Variants in CNTNAP5 observed in about 807,000 individuals in gnomAD.
The protein encoded by CNTNAP5 is contactin associated protein family member 5.
CNTNAP5 carries 72 observed loss-of-function variants against 150.2 expected under a neutral mutation model. The observed-to-expected ratio is 0.48, with a 90% CI of 0.40 to 0.58. The LOEUF (loss-of-function observed/expected upper bound fraction) is 0.58. CNTNAP5 is among the 20% of genes least tolerant of loss of function. The pLI is 0.00. For missense variants in CNTNAP5, 1,636 were observed against 1,626.2 expected, an observed-to-expected ratio of 1.01 and a Z score of -0.10; for synonymous variants, 672 against 619.8, an observed-to-expected ratio of 1.08 and a Z score of -1.25.
At chr2:124,333,217 C>T (rs940252969) in intron 3 of CNTNAP5, among the ~76,000 whole-genome samples, 2 of 151,938 alleles carry the variant, frequency 1.3e-5, no homozygotes, top group Non-Finnish European at 2.9e-5. Flanking sequence ...TATAGTGAGC[C>T]GTGATCGCAC....
At chr2:124,790,760 T>C (rs2104633304) in intron 18 of CNTNAP5, among the ~76,000 whole-genome samples, 1 of 152,206 alleles carries the variant, frequency 6.6e-6, no homozygotes, top group African/African-American at 2.4e-5. Flanking sequence ...CTTCACAATC[T>C]CCTGAGTTCA....
chr2:124,667,307 C>T (rs1251202008), intron 13 of CNTNAP5, among the ~76,000 whole-genome samples: 6 of 152,204 alleles, frequency 3.9e-5, no homozygotes, highest in African/African-American at 1.4e-4. Flanking sequence ...GTTTAATGTA[C>T]ACGTGTGTAC....
At chr2:124,610,954 C>CA (rs57941026) in intron 12 of CNTNAP5, among the ~76,000 whole-genome samples, 2,111 of 141,270 alleles carry the variant, frequency 0.015, 21 homozygotes, top group African/African-American at 0.031. Flanking sequence ...GACACCGTCT[C>CA]AAAAAAAAAA....
intron 13 of CNTNAP5, among the ~76,000 whole-genome samples, chr2:124,695,728 G>A (rs901808192): frequency 6.6e-6 from 1 of 152,164 alleles, no homozygotes; most frequent in Admixed American, 6.6e-5. Context: ...CAGATGGAGG[G>A]AGCTAGGACT....
chr2:124,504,463 G>C lies in CNTNAP5; in HGVS notation c.1234G>C (p.Glu412Gln), dbSNP rs1694354747. 6.2e-7 allele frequency: 1 copy of C among 1,613,856 alleles called. No individual in the cohort carries two copies. The highest frequency in any genetic ancestry group is 8.5e-7 in the Non-Finnish European group (1 of 1,179,836). The change falls in exon 8 of 24, where the codon GAG becomes CAG. Residue 412 changes from glutamate to glutamine, a missense_variant. Transcript: ENST00000682447. ...TCTGCTTCTGTCCACAGAGCTGTCT[G>C]AGGGCTCGGGAACCCTGCTGCTGAG... ...DGLLLSTELS[E>Q]GSGTLLLSLE...
At chr2:124,732,519 A>G (rs1292206366) in intron 13 of CNTNAP5, among the ~76,000 whole-genome samples, 1 of 152,070 alleles carries the variant, frequency 6.6e-6, no homozygotes, top group African/African-American at 2.4e-5. Flanking sequence ...TCGCAAGGAC[A>G]CATCAACAAG....
intron 13 of CNTNAP5, among the ~76,000 whole-genome samples, chr2:124,674,562 CCTTT>C (rs879598093): frequency 5.6e-4 from 62 of 110,360 alleles, no homozygotes; most frequent in Middle Eastern, 5.2e-3. Context: ...TTCCTTTCTT[CCTTT>C]CTTTCTTTCT....
chr2:124,385,825 G>A (rs1396826516), intron 3 of CNTNAP5, among the ~76,000 whole-genome samples: 1 of 152,104 alleles, frequency 6.6e-6, no homozygotes, highest in East Asian at 1.9e-4. Context: ...ATCCCTGGAG[G>A]GGTTCACATT....
chr2:124,627,255 C>A (rs986325236), intron 12 of CNTNAP5, among the ~76,000 whole-genome samples: 1 of 152,288 alleles, frequency 6.6e-6, no homozygotes, highest in South Asian at 2.1e-4. Context: ...CAAGCGGATC[C>A]CTGACCCTGT....
chr2:124,257,808 C>G (rs1170577), intron 3 of CNTNAP5, among the ~76,000 whole-genome samples: 121,565 of 151,934 alleles, frequency 0.8, 48,756 homozygotes, highest in South Asian at 0.87. Context: ...AACAAAGTCT[C>G]GTCTGATTTT....
At chr2:124,414,835 A>G (rs116091601) in intron 3 of CNTNAP5, among the ~76,000 whole-genome samples, 1,771 of 152,148 alleles carry the variant, frequency 0.012, 26 homozygotes, top group African/African-American at 0.04. Context: ...TAGATAAATA[A>G]TGCTACAGAC....
chr2:124,383,961 T>C (rs1834443), intron 3 of CNTNAP5, among the ~76,000 whole-genome samples: 130,642 of 152,156 alleles, frequency 0.86, 56,248 homozygotes, highest in South Asian at 0.92. Context: ...TTAGTTTTGC[T>C]GTGGAGTTTT....
chr2:124,108,507 C>T (rs904262243), intron 1 of CNTNAP5, among the ~76,000 whole-genome samples: 2 of 152,130 alleles, frequency 1.3e-5, no homozygotes, highest in African/African-American at 4.8e-5. Context: ...CTCTCTGTCT[C>T]GTTAATATTT....
intron 11 of CNTNAP5, among the ~76,000 whole-genome samples, chr2:124,575,356 A>G (rs1696258048): frequency 1.3e-5 from 2 of 152,218 alleles, no homozygotes; most frequent in Admixed American, 1.3e-4. Context: ...CAAATTCTTT[A>G]GTGGCTCTCT....
intron 11 of CNTNAP5, among the ~76,000 whole-genome samples, chr2:124,582,139 G>A (rs1023233787): frequency 2.0e-4 from 30 of 152,144 alleles, no homozygotes; most frequent in African/African-American, 6.3e-4. Context: ...AGTGTAAAGC[G>A]ATTCCATGCC....
At position 124,074,659 on chromosome 2, in the gene CNTNAP5, C is replaced by A. The variant is rs542749378; in HGVS notation, c.82+48927C>A. On this transcript the variant is annotated intron_variant, in intron 1 of 23. Coordinates refer to ENST00000682447, the MANE Select transcript of CNTNAP5 (RefSeq NM_001367498.1). ...GTCATGGGTATTGACTCCTAGACAG[C>A]ACTTACCAGCCTGTGATCTATATTT... is the stretch of plus-strand genomic sequence containing the variant. Among the ~76,000 whole-genome samples, 3 of 152,002 alleles carry A rather than the reference C, an allele frequency of 2.0e-5. No individual in the cohort carries two copies. In the East Asian group the frequency reaches 5.8e-4, roughly 29 times the overall value.
chr2:124,865,332 A>C lies in CNTNAP5; in HGVS notation c.3244A>C (p.Asn1082His). The change falls in exon 20 of 24, where the codon AAC becomes CAC. Residue 1082 changes from asparagine to histidine, a missense_variant. By Grantham distance (68) the Asn-to-His change is moderately conservative (BLOSUM62 1). Coordinates refer to ENST00000682447, the MANE Select transcript of CNTNAP5 (RefSeq NM_001367498.1). ...AAGCTTACAGGTTCGCTATCACCTA[A>C]ACAAGGAAGAAACCCATGTATTCAC... is the stretch of plus-strand genomic sequence containing the variant. ...NGSLQVRYHL[N>H]KEETHVFTID... 1 of 1,564,596 alleles carries C rather than the reference A, an allele frequency of 6.4e-7. No homozygotes were observed. Among genetic ancestry groups the C allele is most frequent in the Non-Finnish European group, 8.7e-7 (1 of 1,152,992 alleles).
chr2:124,725,611 G>A (rs1680140120), intron 13 of CNTNAP5, among the ~76,000 whole-genome samples: 1 of 151,558 alleles, frequency 6.6e-6, no homozygotes, highest in Non-Finnish European at 1.5e-5. Context: ...CACATTTAAA[G>A]TATGCAGTAC....
intron 11 of CNTNAP5, among the ~76,000 whole-genome samples, chr2:124,580,560 A>C (rs909602608): frequency 6.6e-6 from 1 of 152,224 alleles, no homozygotes; most frequent in Non-Finnish European, 1.5e-5. Context: ...TTCTTTGCTC[A>C]ATTAAACACT....
Sources: gnomAD v4.1 joint callset for allele counts (sites outside exome capture counted in the v4.1 genomes callset) on GRCh38, gnomAD v4.1.1 for gene constraint, MANE v1.5 for transcripts, NCBI Gene and HGNC (gene_info 2026-07-23, HGNC 2026-07-21) for gene names.